The following IMMP2L variants were observed in gnomAD, a reference collection of about 807,000 sequenced individuals.
IMMP2L encodes the protein inner mitochondrial membrane peptidase subunit 2, also known as mitochondrial inner membrane protease subunit 2.
A neutral mutation model predicts 19.3 loss-of-function variants in IMMP2L; 18 were observed. The observed-to-expected ratio is 0.93, with a 90% CI of 0.64 to 1.38. IMMP2L has a LOEUF of 1.38. IMMP2L is among the 40% of genes most tolerant of loss of function. The pLI, the probability that IMMP2L is intolerant of heterozygous loss-of-function variation, is 0.00. For synonymous variants in IMMP2L, 76 were observed against 73.0 expected (o/e 1.04, Z -0.21); for missense variants, 233 against 218.2 (o/e 1.07, Z -0.43).
intron 3 of IMMP2L, among the ~76,000 whole-genome samples, chr7:111,272,058 C>T (rs1818525855): frequency 6.6e-6 from 1 of 152,164 alleles, no homozygotes; most frequent in Non-Finnish European, 1.5e-5. Flanking sequence ...TTCTGTAATG[C>T]AGACAGAATA....
At chr7:111,121,002 A>C (rs1800537994) in intron 3 of IMMP2L, among the ~76,000 whole-genome samples, 1 of 152,168 alleles carries the variant, frequency 6.6e-6, no homozygotes, top group African/African-American at 2.4e-5. Flanking sequence ...CCTATAACTA[A>C]ATTTCAAAGC....
chr7:110,926,654 T>A (rs959363165), intron 4 of IMMP2L, among the ~76,000 whole-genome samples: 1 of 152,182 alleles, frequency 6.6e-6, no homozygotes, highest in African/African-American at 2.4e-5. Flanking sequence ...TTAGTCCATT[T>A]GAAACCTGTA....
chr7:110,768,041 A>T (rs767621473), intron 5 of IMMP2L, among the ~76,000 whole-genome samples: 2 of 152,178 alleles, frequency 1.3e-5, no homozygotes, highest in Non-Finnish European at 2.9e-5. Flanking sequence ...GTTAATACAG[A>T]AAAGTAGAAA....
chr7:111,153,936 A>G (rs1411327674), intron 3 of IMMP2L, among the ~76,000 whole-genome samples: 2 of 152,070 alleles, frequency 1.3e-5, no homozygotes, highest in African/African-American at 2.4e-5. Flanking sequence ...CATATTTCCT[A>G]ACACTTATTC....
intron 1 of IMMP2L, among the ~76,000 whole-genome samples, chr7:111,532,139 T>C (rs1002624332): frequency 1.3e-5 from 2 of 152,094 alleles, no homozygotes; most frequent in African/African-American, 2.4e-5. Context: ...AAGTGGGCAT[T>C]AGGCAATAAC....
chr7:111,379,007 T>C (rs969527125), intron 3 of IMMP2L, among the ~76,000 whole-genome samples: 2 of 151,768 alleles, frequency 1.3e-5, no homozygotes, highest in African/African-American at 2.4e-5. Flanking sequence ...GACCTTCCCA[T>C]ATTTATGCAT....
At chr7:110,719,169 A>G (rs919352224) in intron 5 of IMMP2L, among the ~76,000 whole-genome samples, 1 of 152,204 alleles carries the variant, frequency 6.6e-6, no homozygotes, top group African/African-American at 2.4e-5. Flanking sequence ...ATCCAGACAA[A>G]CACTGGACTG....
At chr7:110,791,676 G>A (rs1800468401) in intron 5 of IMMP2L, among the ~76,000 whole-genome samples, 1 of 151,714 alleles carries the variant, frequency 6.6e-6, no homozygotes, top group Non-Finnish European at 1.5e-5. Context: ...TGACTCAGAG[G>A]TACCACCACA....
At chr7:110,847,735 G>A (rs1472360377) in intron 5 of IMMP2L, among the ~76,000 whole-genome samples, 1 of 152,094 alleles carries the variant, frequency 6.6e-6, no homozygotes, top group African/African-American at 2.4e-5. Context: ...AAACTAGTGA[G>A]CCCAGAAACA....
chr7:111,467,557 C>T (rs1376825958), intron 3 of IMMP2L, among the ~76,000 whole-genome samples: 3 of 152,260 alleles, frequency 2.0e-5, no homozygotes, highest in African/African-American at 7.2e-5. Context: ...AATATGCCAA[C>T]TCCTGAGTTC....
intron 5 of IMMP2L, among the ~76,000 whole-genome samples, chr7:110,691,341 C>T (rs1793494367): frequency 6.6e-6 from 1 of 152,044 alleles, no homozygotes; most frequent in South Asian, 2.1e-4. Flanking sequence ...AAGACTTAGT[C>T]TAAGACCTAC....
At chr7:111,240,311 T>C (rs928194617) in intron 3 of IMMP2L, among the ~76,000 whole-genome samples, 3 of 151,984 alleles carry the variant, frequency 2.0e-5, no homozygotes, top group African/African-American at 7.2e-5. Flanking sequence ...ATTTAATAAC[T>C]TGACTTATTT....
intron 3 of IMMP2L, among the ~76,000 whole-genome samples, chr7:111,348,258 G>T (rs1185803752): frequency 6.6e-6 from 1 of 151,798 alleles, no homozygotes; most frequent in Non-Finnish European, 1.5e-5. Flanking sequence ...TGCACATTGT[G>T]CACATGTACC....
At chr7:111,314,589 C>G (rs911079120) in intron 3 of IMMP2L, among the ~76,000 whole-genome samples, 7 of 152,034 alleles carry the variant, frequency 4.6e-5, no homozygotes, top group African/African-American at 9.7e-5. Context: ...GATAATAAAA[C>G]TGAAGTAATG....
chr7:111,119,189 T>C (rs1563263274), intron 3 of IMMP2L, among the ~76,000 whole-genome samples: 1 of 152,186 alleles, frequency 6.6e-6, no homozygotes, highest in Non-Finnish European at 1.5e-5. Context: ...AGCTAAGTGA[T>C]TTATGGAAAC....
chr7:110,974,977 A>G (rs1184070348), intron 3 of IMMP2L, among the ~76,000 whole-genome samples: 2 of 152,100 alleles, frequency 1.3e-5, no homozygotes, highest in Admixed American at 6.6e-5. Context: ...AAAAATATAA[A>G]TGCAATGTTC....
At chr7:110,963,060 G>T in intron 4 of IMMP2L, 8 of 1,525,886 alleles carry the variant, frequency 5.2e-6, no homozygotes, top group Non-Finnish European at 7.0e-6. Flanking sequence ...GGAAGTTTCT[G>T]TTTCATATCC....
chr7:110,720,168 C>T (rs905860123), intron 5 of IMMP2L, among the ~76,000 whole-genome samples: 1 of 152,026 alleles, frequency 6.6e-6, no homozygotes, highest in African/African-American at 2.4e-5. Context: ...CCATTAACTA[C>T]AAAGCCAAAA....
intron 3 of IMMP2L, among the ~76,000 whole-genome samples, chr7:111,344,420 G>A (rs563615067): frequency 4.1e-4 from 62 of 152,022 alleles, no homozygotes; most frequent in African/African-American, 1.5e-3. Context: ...ACTTTCCTTG[G>A]ACACCATATC....
Sources: gnomAD v4.1 joint callset for allele counts (sites outside exome capture counted in the v4.1 genomes callset) on GRCh38, gnomAD v4.1.1 for gene constraint, MANE v1.5 for transcripts, NCBI Gene and HGNC (gene_info 2026-07-23, HGNC 2026-07-21) for gene names.